Variants in C1orf87 observed in about 807,000 individuals in gnomAD.
The protein encoded by C1orf87 is chromosome 1 open reading frame 87.
Under a neutral mutation model 60.5 loss-of-function variants are expected in C1orf87, and 58 were observed. The observed-to-expected ratio is 0.96, with a 90% CI of 0.78 to 1.19. C1orf87 has a LOEUF of 1.19. Among genes scored for constraint, C1orf87 ranks in the 50% most tolerant of loss-of-function variants. The pLI, the probability that C1orf87 is intolerant of heterozygous loss-of-function variation, is 0.00. For synonymous variants in C1orf87, 236 were observed against 227.4 expected (o/e 1.04, Z -0.34); for missense variants, 673 against 638.6 (o/e 1.05, Z -0.58).
chr1:60,064,897 T>G (rs1645530853), intron 2 of C1orf87, among the ~76,000 whole-genome samples: 1 of 90,628 alleles, frequency 1.1e-5, no homozygotes, highest in Non-Finnish European at 2.0e-5. Flanking sequence ...TAAATATATA[T>G]TCTAAATATA....
At chr1:60,025,984 A>G (rs117382279) in intron 7 of C1orf87, among the ~76,000 whole-genome samples, 2 of 152,338 alleles carry the variant, frequency 1.3e-5, no homozygotes, top group East Asian at 1.9e-4. Context: ...CACATAGCTA[A>G]TAAGTTATGG....
intron 3 of C1orf87, 133 bp downstream of exon 3, chr1:60,055,071 T>C (rs1645442912): frequency 1.2e-6 from 1 of 835,642 alleles, no homozygotes; most frequent in Non-Finnish European, 1.9e-6. Flanking sequence ...TGAAAAAAAT[T>C]GATTCTTACT....
chr1:60,046,790 T>C (rs907776727), intron 3 of C1orf87, among the ~76,000 whole-genome samples: 4 of 152,182 alleles, frequency 2.6e-5, no homozygotes, highest in Admixed American at 6.5e-5. Flanking sequence ...TTCATCATTA[T>C]TTTTTCTTGC....
intron 2 of C1orf87, among the ~76,000 whole-genome samples, chr1:60,067,402 G>T (rs1191321144): frequency 2.0e-5 from 3 of 151,982 alleles, no homozygotes. Context: ...TTCAATGATT[G>T]CCATTCTAAC....
At chr1:60,013,961 T>C (rs1043160808) in intron 8 of C1orf87, among the ~76,000 whole-genome samples, 3 of 152,144 alleles carry the variant, frequency 2.0e-5, no homozygotes, top group African/African-American at 7.2e-5. Context: ...CCTCATCATA[T>C]ACAACTGACA....
intron 8 of C1orf87, among the ~76,000 whole-genome samples, chr1:60,021,206 C>T (rs1186415576): frequency 6.6e-6 from 1 of 152,160 alleles, no homozygotes; most frequent in Non-Finnish European, 1.5e-5. Context: ...ATTACTCAGT[C>T]TCAGGTAGTT....
At chr1:60,033,342 G>A (rs1645252388) in intron 7 of C1orf87, 134 bp downstream of exon 7, 1 of 800,614 alleles carries the variant, frequency 1.2e-6, no homozygotes, top group African/African-American at 1.8e-5. Context: ...TCACTTCTCA[G>A]GCAAAGAAAA....
chr1:60,029,138 C>T (rs995010927), intron 7 of C1orf87, among the ~76,000 whole-genome samples: 2 of 152,178 alleles, frequency 1.3e-5, no homozygotes, highest in African/African-American at 4.8e-5. Context: ...GAGAATGGCA[C>T]CACTATCCAT....
At chr1:60,050,411 A>G (rs1261290557) in intron 3 of C1orf87, among the ~76,000 whole-genome samples, 3 of 151,700 alleles carry the variant, frequency 2.0e-5, no homozygotes, top group Non-Finnish European at 4.4e-5. Flanking sequence ...TATTTGCTAT[A>G]GTAAATGGTG....
intron 9 of C1orf87, among the ~76,000 whole-genome samples, chr1:60,004,021 C>T (rs1306039117): frequency 5.3e-5 from 8 of 152,000 alleles, no homozygotes; most frequent in Non-Finnish European, 1.2e-4. Context: ...GAGAACCCAT[C>T]CTCAACTAGT....
chr1:60,064,270 CAT>C (rs1645517568), intron 2 of C1orf87, among the ~76,000 whole-genome samples: 1 of 121,296 alleles, frequency 8.2e-6, no homozygotes, highest in Non-Finnish European at 1.7e-5. Context: ...TTTTATATAT[CAT>C]ATATAAATTA....
intron 7 of C1orf87, among the ~76,000 whole-genome samples, chr1:60,032,416 C>T (rs1346709336): frequency 6.7e-6 from 1 of 149,760 alleles, no homozygotes; most frequent in Non-Finnish European, 1.5e-5. Context: ...ATTCAATTGG[C>T]CTCTTTGAGA....
intron 9 of C1orf87, among the ~76,000 whole-genome samples, chr1:60,006,127 G>A (rs1645043470): frequency 6.6e-6 from 1 of 152,032 alleles, no homozygotes; most frequent in African/African-American, 2.4e-5. Flanking sequence ...TGAGCTGTGA[G>A]GATGTGATGG....
intron 5 of C1orf87, among the ~76,000 whole-genome samples, chr1:60,038,515 G>T (rs1388712673): frequency 6.6e-6 from 1 of 151,962 alleles, no homozygotes; most frequent in East Asian, 1.9e-4. Context: ...AACTATGGCT[G>T]GCTCTATGGA....
chr1:60,071,578 G>T (rs1645584274), intron 2 of C1orf87, among the ~76,000 whole-genome samples: 1 of 152,160 alleles, frequency 6.6e-6, no homozygotes, highest in Admixed American at 6.5e-5. Context: ...TGATAGTAGG[G>T]AAGTAGAACT....
intron 3 of C1orf87, among the ~76,000 whole-genome samples, chr1:60,046,344 CCTTT>C (rs1281321450): frequency 1.6e-5 from 2 of 127,138 alleles, no homozygotes; most frequent in East Asian, 5.5e-4. Context: ...CTCCTTCCTT[CCTTT>C]CTTCCTTTCC....
chr1:60,046,255 CCTTT>C (rs886805033), intron 3 of C1orf87, among the ~76,000 whole-genome samples: 42 of 135,574 alleles, frequency 3.1e-4, no homozygotes, highest in South Asian at 2.0e-3. Flanking sequence ...TCCTTCCCTT[CCTTT>C]CTTTCTTTCT....
intron 11 of C1orf87, among the ~76,000 whole-genome samples, chr1:59,993,756 C>CA (rs1644943024): frequency 7.7e-6 from 1 of 129,214 alleles, no homozygotes; most frequent in Non-Finnish European, 1.7e-5. Context: ...AATAAGAATC[C>CA]TTTTTTTTTT....
intron 9 of C1orf87, among the ~76,000 whole-genome samples, chr1:60,006,736 A>T (rs769855191): frequency 3.9e-5 from 6 of 152,014 alleles, no homozygotes; most frequent in Non-Finnish European, 8.8e-5. Flanking sequence ...CTCTTTTTAT[A>T]TGTGTCTTAA....
Sources: gnomAD v4.1 joint callset for allele counts (sites outside exome capture counted in the v4.1 genomes callset) on GRCh38, gnomAD v4.1.1 for gene constraint, MANE v1.5 for transcripts, NCBI Gene and HGNC (gene_info 2026-07-23, HGNC 2026-07-21) for gene names.